Variants in FEZ2 observed in about 807,000 individuals in gnomAD.
FEZ2 encodes fasciculation and elongation protein zeta-2.
In FEZ2, 51 loss-of-function variants were observed where a neutral mutation model predicts 40.4. That is an observed-to-expected ratio of 1.26 (90% CI 1.01 to 1.59). FEZ2 has a LOEUF of 1.59. FEZ2 is among the 40% of genes most tolerant of loss of function. The pLI is 0.00. For synonymous variants in FEZ2, 242 were observed against 172.0 expected (o/e 1.41, Z -3.18); for missense variants, 640 against 438.3 (o/e 1.46, Z -4.11).
intron 5 of FEZ2, among the ~76,000 whole-genome samples, chr2:36,564,629 C>T (rs1220278384): frequency 6.6e-6 from 1 of 152,098 alleles, no homozygotes; most frequent in Non-Finnish European, 1.5e-5. Flanking sequence ...TCTACTCGGA[C>T]GCCAGAGAAA....
intron 4 of FEZ2, among the ~76,000 whole-genome samples, chr2:36,580,233 G>A (rs1022448431): frequency 1.3e-5 from 2 of 152,198 alleles, no homozygotes; most frequent in Non-Finnish European, 2.9e-5. Context: ...GAGTCAGGAC[G>A]TTAACACTGT....
At chr2:36,566,949 C>G (rs1668258217) in intron 5 of FEZ2, among the ~76,000 whole-genome samples, 1 of 151,028 alleles carries the variant, frequency 6.6e-6, no homozygotes, top group African/African-American at 2.4e-5. Flanking sequence ...CGCATAGACA[C>G]ACACACACTC....
intron 3 of FEZ2, among the ~76,000 whole-genome samples, chr2:36,581,904 T>C (rs533150298): frequency 6.6e-6 from 1 of 152,198 alleles, no homozygotes; most frequent in South Asian, 2.1e-4. Context: ...TATATATAAA[T>C]GGGAAATTAC....
At chr2:36,566,757 T>G (rs1208266732) in intron 5 of FEZ2, among the ~76,000 whole-genome samples, 1 of 152,220 alleles carries the variant, frequency 6.6e-6, no homozygotes, top group African/African-American at 2.4e-5. Context: ...CTTTCCCAGC[T>G]TTGCCACTAA....
chr2:36,554,381 C>T lies in FEZ2; in HGVS notation c.1046-1202G>A. On this transcript the variant is annotated intron_variant, in intron 7 of 7. Coordinates refer to ENST00000405912, the MANE Select transcript of FEZ2 (RefSeq NM_005102.3). Reference sequence around the variant, plus strand: ...ATAGCTAGAGAATGCTTCAGAAGCTCATTCTATCTCTGGCCCTCATAGAGG... The same window carrying T: ...ATAGCTAGAGAATGCTTCAGAAGCTTATTCTATCTCTGGCCCTCATAGAGG... The T allele has an allele frequency of 6.5e-6, 3 of 464,054 alleles. 1 individual carries two copies. Among genetic ancestry groups the T allele is most frequent in the South Asian group, 4.7e-5 (3 of 63,516 alleles). The allele number at this position is 464,054 out of a possible 1,614,324, so 28.7% of individuals were successfully genotyped here. A position where few individuals can be genotyped will look rare whatever the true frequency, so the allele number is the denominator to read the frequency against.
At chr2:36,567,370 G>A (rs1337014783) in intron 5 of FEZ2, among the ~76,000 whole-genome samples, 1 of 152,174 alleles carries the variant, frequency 6.6e-6, no homozygotes, top group Non-Finnish European at 1.5e-5. Flanking sequence ...TTCTGGAAAA[G>A]TCCACTGAAG....
At chr2:36,595,195 G>C (rs975437951) in intron 1 of FEZ2, among the ~76,000 whole-genome samples, 3 of 152,078 alleles carry the variant, frequency 2.0e-5, no homozygotes, top group African/African-American at 7.2e-5. Context: ...GGGTCGGGGA[G>C]GGCTTTGGGG....
intron 5 of FEZ2, among the ~76,000 whole-genome samples, chr2:36,575,286 G>A (rs1668529631): frequency 6.6e-6 from 1 of 152,170 alleles, no homozygotes. Flanking sequence ...CTGGGCTCAA[G>A]CAATCCTCTC....
intron 5 of FEZ2, among the ~76,000 whole-genome samples, chr2:36,563,523 GAAAA>G (rs369727165): frequency 1.5e-5 from 2 of 137,864 alleles, no homozygotes; most frequent in Non-Finnish European, 3.2e-5. Context: ...GGAAAAAAAA[GAAAA>G]AAAAAAAAAA....
rs1573039929 is a variant in FEZ2 at position 36,598,059 on chromosome 2, C to A, written c.84G>T (p.Ala28=). The change falls in exon 1 of 8, where the codon GCG becomes GCT. Residue 28 remains alanine (A), a synonymous_variant. Transcript: ENST00000405912. ...CCGCCTCCGCCCCAGGCTCGGGGCT[C>A]GCGTTACAGTTCTCCTGGTCCAGGA... ...RSLLDQENCN[A]SPEPGAEAGA... The A allele has an allele frequency of 6.7e-7, 1 of 1,495,512 alleles. No homozygotes were observed. The allele number at this position is 1,495,512 out of a possible 1,614,324, so 92.6% of individuals were successfully genotyped here.
chr2:36,584,838 A>G (rs1668856796), intron 2 of FEZ2, among the ~76,000 whole-genome samples: 1 of 152,166 alleles, frequency 6.6e-6, no homozygotes. Context: ...AGAGTAAGAA[A>G]CCTGCACGTG....
At chr2:36,577,446 G>A (rs1344891416) in intron 5 of FEZ2, among the ~76,000 whole-genome samples, 1 of 152,182 alleles carries the variant, frequency 6.6e-6, no homozygotes, top group Non-Finnish European at 1.5e-5. Context: ...TAGTAGAGAC[G>A]GGGTTTCTCC....
chr2:36,598,157 G>C lies in FEZ2; in HGVS notation c.-15C>G. The stretch of plus-strand genomic sequence containing the variant: ...TCCGCCGCCATCGCCGCCCGGAGCA[G>C]TCGCGCGCCCCGCCCAGGCCGGCCC... On this transcript the variant is annotated 5_prime_UTR_variant, in exon 1 of 8. Coordinates refer to ENST00000405912, the MANE Select transcript of FEZ2 (RefSeq NM_005102.3). The C allele has an allele frequency of 1.4e-6, 2 of 1,441,792 alleles. No individual in the cohort carries two copies. The highest frequency in any genetic ancestry group is 6.1e-5 in the East Asian group (2 of 32,686). The allele number at this position is 1,441,792 out of a possible 1,614,324, so 89.3% of individuals were successfully genotyped here. A position where few individuals can be genotyped will look rare whatever the true frequency, so the allele number is the denominator to read the frequency against.
intron 1 of FEZ2, among the ~76,000 whole-genome samples, chr2:36,596,070 A>T (rs1477566795): frequency 6.6e-6 from 1 of 152,190 alleles, no homozygotes; most frequent in Non-Finnish European, 1.5e-5. Context: ...CATATACATA[A>T]AATTATCTTC....
intron 2 of FEZ2, among the ~76,000 whole-genome samples, chr2:36,585,695 A>T (rs1446852765): frequency 6.6e-6 from 1 of 152,252 alleles, no homozygotes; most frequent in Non-Finnish European, 1.5e-5. Context: ...ATATATCATA[A>T]TGGGTCAACT....
In FEZ2 at chr2:36,578,753, C is replaced by T. The variant is rs1668649824; in HGVS notation, c.747G>A (p.Leu249=). ...LVQQLALRDE[L]EFEKEVKNSF... Reference sequence around the variant, plus strand: ...TGTTTTTCACTTCCTTTTCAAACTCCAGTTCATCTCGTAAAGCCAACTGCT... The same window carrying T: ...TGTTTTTCACTTCCTTTTCAAACTCTAGTTCATCTCGTAAAGCCAACTGCT... Residue 249 remains leucine (L), a synonymous_variant, in exon 5 of 8, where the codon CTG becomes CTA. Transcript: ENST00000405912. 6.2e-7 allele frequency: 1 copy of T among 1,613,850 alleles called. No homozygotes were observed. The highest frequency in any genetic ancestry group is 1.3e-5 in the African/African-American group (1 of 74,916).
At chr2:36,559,282 A>C (rs1668031445) in intron 5 of FEZ2, 1 of 152,206 alleles carries the variant, frequency 6.6e-6, no homozygotes, top group African/African-American at 2.4e-5. Context: ...TAATCCATAA[A>C]TGATTGTCCA....
chr2:36,571,724 G>T (rs1200211016), intron 5 of FEZ2, among the ~76,000 whole-genome samples: 1 of 148,796 alleles, frequency 6.7e-6, no homozygotes, highest in Admixed American at 6.7e-5. Context: ...AGGGGAAAAA[G>T]GCTGGGCACT....
At chr2:36,589,110 T>C (rs947591056) in intron 2 of FEZ2, among the ~76,000 whole-genome samples, 1 of 152,322 alleles carries the variant, frequency 6.6e-6, no homozygotes, top group East Asian at 1.9e-4. Flanking sequence ...TAAAAAGGTA[T>C]CTTCAAACTT....
Sources: allele counts gnomAD v4.1 joint callset (sites outside exome capture counted in the v4.1 genomes callset), GRCh38; gene constraint gnomAD v4.1.1; transcripts MANE v1.5; gene names NCBI Gene and HGNC (gene_info 2026-07-23, HGNC 2026-07-21).